Variants in SRGAP2B observed in about 807,000 individuals in gnomAD.
SRGAP2B encodes SLIT-ROBO Rho GTPase activating protein 2B, also known as SLIT-ROBO Rho GTPase-activating protein 2B.
In SRGAP2B, 9 loss-of-function variants were observed where a neutral mutation model predicts 22.2. The observed-to-expected ratio is 0.41, with a 90% CI of 0.24 to 0.71. SRGAP2B has a LOEUF of 0.71. SRGAP2B is among the 30% of genes least tolerant of loss of function. The pLI, the probability that SRGAP2B is intolerant of heterozygous loss-of-function variation, is 0.35. For missense variants in SRGAP2B, 114 were observed against 235.8 expected, an observed-to-expected ratio of 0.48 and a Z score of 3.38; for synonymous variants, 36 against 87.4, an observed-to-expected ratio of 0.41 and a Z score of 3.28.
intron 4 of SRGAP2B, among the ~76,000 whole-genome samples, chr1:144,916,016 A>G (rs1349228801): frequency 4.0e-5 from 6 of 148,870 alleles, no homozygotes; most frequent in Non-Finnish European, 7.4e-5. Flanking sequence ...CTTTCATGTC[A>G]GATACACAAT....
chr1:144,933,330 C>T (rs1164319190), intron 4 of SRGAP2B, among the ~76,000 whole-genome samples: 3 of 150,154 alleles, frequency 2.0e-5, no homozygotes, highest in South Asian at 2.1e-4. Context: ...ACATCAGCAG[C>T]GGCAGAAAAA....
chr1:144,902,716 C>T lies in SRGAP2B; in HGVS notation c.831+2375G>A, dbSNP rs1275042319. Among the ~76,000 whole-genome samples the T allele has an allele frequency of 9.0e-5, 13 of 143,858 alleles. No individual in the cohort carries two copies. In the South Asian group the frequency reaches 2.9e-3, roughly 32 times the overall value. 94.4% of individuals were successfully genotyped at this position (143,858 alleles called of 152,430 possible). Reference sequence around the variant, plus strand: ...GGCGGAGCTTGCAGTGAGCCGAGATCGCACCACCGTACTCCAGCCTGGGCG... The same window carrying T: ...GGCGGAGCTTGCAGTGAGCCGAGATTGCACCACCGTACTCCAGCCTGGGCG... On this transcript the variant is annotated intron_variant, in intron 7 of 9. Transcript: ENST00000612199.
At chr1:145,090,026 T>C (rs1201262222) in intron 2 of SRGAP2B, among the ~76,000 whole-genome samples, 5 of 146,476 alleles carry the variant, frequency 3.4e-5, no homozygotes, top group Middle Eastern at 3.4e-3. Context: ...CTGAATCACT[T>C]TGACTCTAAA....
At chr1:144,915,318 T>C (rs1166215143) in intron 4 of SRGAP2B, among the ~76,000 whole-genome samples, 1 of 150,690 alleles carries the variant, frequency 6.6e-6, no homozygotes, top group Non-Finnish European at 1.5e-5. Context: ...TGTTACTAGA[T>C]GCTGAAAATA....
intron 4 of SRGAP2B, among the ~76,000 whole-genome samples, chr1:144,915,355 A>G (rs1209836601): frequency 6.6e-6 from 1 of 150,684 alleles, no homozygotes; most frequent in East Asian, 1.9e-4. Context: ...CAACTAGTTA[A>G]TCTTGAGCAG....
At chr1:144,963,476 G>A (rs1344816623) in intron 3 of SRGAP2B, among the ~76,000 whole-genome samples, 3 of 136,030 alleles carry the variant, frequency 2.2e-5, no homozygotes, top group Non-Finnish European at 4.7e-5. Context: ...TTGACAGTTG[G>A]ATCCACAAAG....
chr1:145,051,459 C>T (rs1401575303), intron 2 of SRGAP2B, among the ~76,000 whole-genome samples: 1 of 150,150 alleles, frequency 6.7e-6, no homozygotes, highest in Non-Finnish European at 1.5e-5. Context: ...CTCTCTCTCC[C>T]TGGCATCATT....
rs1333632432 is a variant in SRGAP2B at position 144,990,960 on chromosome 1, A to G, written c.260+4048T>C. ...ACTCCATGGGCTCCTGTGCGGCCGG[A>G]GCCTCCCCGACGAGCACCACCCCCT... On this transcript the variant is annotated intron_variant, in intron 3 of 9. Transcript: ENST00000612199. Among the ~76,000 whole-genome samples the G allele has an allele frequency of 4.7e-5, 7 of 150,312 alleles. 1 individual carries two copies. The highest frequency in any genetic ancestry group is 7.4e-5 in the Non-Finnish European group (5 of 67,858).
Position 145,022,691 on chromosome 1 carries a change from A to G in SRGAP2B, c.68-27491T>C, listed in dbSNP as rs1435112724. On this transcript the variant is annotated intron_variant, in intron 2 of 9. Coordinates refer to ENST00000612199, the Ensembl canonical transcript of SRGAP2B. ...AAAGAAGCTAAACAATCAGTCTAACACCCACATGGACGGGGTTGAAAGGGA... is the reference window on the plus strand; with the variant it reads ...AAAGAAGCTAAACAATCAGTCTAACGCCCACATGGACGGGGTTGAAAGGGA... Among the ~76,000 whole-genome samples, 7 of 150,628 alleles carry G rather than the reference A, an allele frequency of 4.6e-5. 1 individual carries two copies. The highest frequency in any genetic ancestry group is 1.7e-4 in the African/African-American group (7 of 40,112).
intron 2 of SRGAP2B, among the ~76,000 whole-genome samples, chr1:145,003,496 CCT>C (rs1434147788): frequency 6.8e-6 from 1 of 147,870 alleles, no homozygotes; most frequent in Non-Finnish European, 1.5e-5. Context: ...TTGAGCGTGG[CCT>C]CTCTGTGGGG....
intron 7 of SRGAP2B, among the ~76,000 whole-genome samples, chr1:144,898,549 G>A (rs1319417922): frequency 2.2e-4 from 33 of 149,674 alleles, no homozygotes; most frequent in Middle Eastern, 3.4e-3. Flanking sequence ...CTGAGGTCCG[G>A]GTCCTAAGAA....
At position 144,965,156 on chromosome 1, in the gene SRGAP2B, G is replaced by A. The variant is rs1558786021; in HGVS notation, c.261-9555C>T. 13 of 1,127,892 alleles carry A rather than the reference G, an allele frequency of 1.2e-5. 1 individual carries two copies. Among genetic ancestry groups the A allele is most frequent in the Admixed American group, 3.6e-5 (2 of 55,790 alleles). 69.9% of individuals were successfully genotyped at this position (1,127,892 alleles called of 1,614,324 possible). On this transcript the variant is annotated intron_variant, in intron 3 of 9. Coordinates refer to ENST00000612199, the Ensembl canonical transcript of SRGAP2B. ...AAAATAAATGATTCAGTGTAGGGGGGAGGAGCCAAGATGGCCGAATAGGAA... is the reference window on the plus strand; with the variant it reads ...AAAATAAATGATTCAGTGTAGGGGGAAGGAGCCAAGATGGCCGAATAGGAA...
chr1:145,012,405 A>T (rs1672122305), intron 2 of SRGAP2B, among the ~76,000 whole-genome samples: 2 of 149,990 alleles, frequency 1.3e-5, no homozygotes, highest in African/African-American at 5.0e-5. Flanking sequence ...TTACTTTTTT[A>T]AAAAAATAAG....
At chr1:145,039,478 T>TA (rs375381021) in intron 2 of SRGAP2B, among the ~76,000 whole-genome samples, 13 of 146,504 alleles carry the variant, frequency 8.9e-5, no homozygotes, top group South Asian at 4.5e-4. Flanking sequence ...CTGTCTCTTT[T>TA]AAAAAAAAAA....
intron 2 of SRGAP2B, among the ~76,000 whole-genome samples, chr1:144,995,930 T>C (rs1332818902): frequency 6.6e-6 from 1 of 150,716 alleles, no homozygotes; most frequent in Non-Finnish European, 1.5e-5. Flanking sequence ...GGAAAGAGAT[T>C]TTTTTCACTA....
chr1:144,963,934 C>A (rs1553611675), intron 3 of SRGAP2B, among the ~76,000 whole-genome samples: 1 of 150,556 alleles, frequency 6.6e-6, no homozygotes, highest in Non-Finnish European at 1.5e-5. Flanking sequence ...AAGATCTCCC[C>A]CTCCCAAACA....
At chr1:144,966,716 A>AC (rs1395572286) in intron 3 of SRGAP2B, among the ~76,000 whole-genome samples, 1 of 147,196 alleles carries the variant, frequency 6.8e-6, no homozygotes, top group Non-Finnish European at 1.5e-5. Flanking sequence ...AAGAGTCAAG[A>AC]CCCATCAGTG....
chr1:144,914,216 G>A (rs587638117), intron 5 of SRGAP2B, among the ~76,000 whole-genome samples: 4 of 151,606 alleles, frequency 2.6e-5, no homozygotes, highest in East Asian at 1.9e-4. Context: ...CTCTTACTGG[G>A]GGCATTTAGG....
At chr1:144,950,871 C>T (rs9660851) in intron 4 of SRGAP2B, among the ~76,000 whole-genome samples, 2,717 of 150,742 alleles carry the variant, frequency 0.018, 79 homozygotes, top group Non-Finnish European at 0.026. Context: ...TTTTCTGAGA[C>T]GAAGTCTTGC....
Sources: gnomAD v4.1 joint callset for allele counts (sites outside exome capture counted in the v4.1 genomes callset) on GRCh38, gnomAD v4.1.1 for gene constraint, MANE v1.5 for transcripts, NCBI Gene and HGNC (gene_info 2026-07-23, HGNC 2026-07-21) for gene names.